Variants in XYLT1 observed in about 807,000 individuals in gnomAD.
XYLT1 encodes the protein xylosyltransferase 1, also known as beta-D-xylosyltransferase 1.
In XYLT1, 36 loss-of-function variants were observed where a neutral mutation model predicts 91.3. The ratio of observed to expected loss-of-function variants is 0.39; its 90% CI spans 0.30 to 0.52. The LOEUF is 0.52. Ranked by LOEUF, XYLT1 falls within the 20% of genes least tolerant of loss-of-function variation. The probability of loss-of-function intolerance (pLI) is 0.68; values close to 1 mark genes in which losing one functional copy is unlikely to be tolerated. For synonymous variants in XYLT1, 588 were observed against 532.0 expected, an observed-to-expected ratio of 1.11 and a Z score of -1.45; for missense variants, 1,242 against 1,284.5, an observed-to-expected ratio of 0.97 and a Z score of 0.51.
chr16:17,445,663 C>T (rs1193169293), intron 1 of XYLT1, among the ~76,000 whole-genome samples: 1 of 152,198 alleles, frequency 6.6e-6, no homozygotes, highest in Non-Finnish European at 1.5e-5. Context: ...TGCAAACTCG[C>T]CTCAGAAAAG....
At chr16:17,436,270 C>A (rs925683479) in intron 1 of XYLT1, among the ~76,000 whole-genome samples, 13 of 152,162 alleles carry the variant, frequency 8.5e-5, no homozygotes, top group South Asian at 2.1e-4. Flanking sequence ...TGAGAAAAGA[C>A]AATTACACGG....
At chr16:17,207,204 C>T (rs1415227489) in intron 3 of XYLT1, among the ~76,000 whole-genome samples, 1 of 151,956 alleles carries the variant, frequency 6.6e-6, no homozygotes, top group Non-Finnish European at 1.5e-5. Flanking sequence ...ATTATAGGCA[C>T]CTGCCACCAC....
At chr16:17,285,958 GAGAGAGAC>G (rs1336152955) in intron 2 of XYLT1, among the ~76,000 whole-genome samples, 20 of 152,090 alleles carry the variant, frequency 1.3e-4, no homozygotes, top group Admixed American at 8.5e-4. Flanking sequence ...GAGAGAAAGA[GAGAGAGAC>G]AGAGAGACAG....
chr16:17,266,619 C>T (rs2033809190), intron 2 of XYLT1, among the ~76,000 whole-genome samples: 1 of 152,180 alleles, frequency 6.6e-6, no homozygotes, highest in Non-Finnish European at 1.5e-5. Flanking sequence ...AGGGACAGGG[C>T]CAAAGGGAAA....
chr16:17,207,716 G>A (rs1446417425), intron 3 of XYLT1, among the ~76,000 whole-genome samples: 4 of 152,144 alleles, frequency 2.6e-5, no homozygotes, highest in Non-Finnish European at 4.4e-5. Flanking sequence ...GGAGGAATCA[G>A]TCAACGGCCC....
intron 2 of XYLT1, among the ~76,000 whole-genome samples, chr16:17,293,527 T>G: frequency 2.2e-5 from 3 of 136,020 alleles, no homozygotes; most frequent in Admixed American, 8.2e-5. Flanking sequence ...TGAGACTGAG[T>G]CTCCTTCTGT....
Position 17,384,703 on chromosome 16 carries a change from CT to C in XYLT1, c.364-26654del, listed in dbSNP as rs576138992. Among the ~76,000 whole-genome samples the C allele has an allele frequency of 1.3e-4, 19 of 151,910 alleles. No homozygotes were observed. The East Asian group carries it at 3.8e-3, about 30-fold the overall frequency. The stretch of plus-strand genomic sequence containing the variant: ...CAGAAAACATCTAACTTTGCAACTC[CT>C]GCCCTAGGGAAGGAAGTTGGCCAGA... On this transcript the variant is annotated intron_variant, in intron 1 of 11. Transcript: ENST00000261381.
intron 2 of XYLT1, among the ~76,000 whole-genome samples, chr16:17,269,764 C>T (rs1402743374): frequency 6.7e-6 from 1 of 148,438 alleles, no homozygotes; most frequent in Non-Finnish European, 1.5e-5. Flanking sequence ...CATCTCCCTT[C>T]CCTCCCTCCC....
chr16:17,415,350 T>C (rs755558621), intron 1 of XYLT1, among the ~76,000 whole-genome samples: 14 of 152,168 alleles, frequency 9.2e-5, no homozygotes, highest in Non-Finnish European at 1.9e-4. Flanking sequence ...CGAGTCTTTA[T>C]GAATCCTACA....
intron 10 of XYLT1, among the ~76,000 whole-genome samples, chr16:17,124,493 T>C (rs1196012771): frequency 6.6e-6 from 1 of 152,230 alleles, no homozygotes; most frequent in Non-Finnish European, 1.5e-5. Flanking sequence ...GTTAATCTGA[T>C]GGGTTTTCCT....
intron 1 of XYLT1, among the ~76,000 whole-genome samples, chr16:17,431,896 A>T (rs1361415181): frequency 6.6e-6 from 1 of 152,214 alleles, no homozygotes. Flanking sequence ...ATGGCTGCGG[A>T]TCCTTCTGGG....
At chr16:17,140,692 G>A (rs1188315723) in intron 7 of XYLT1, among the ~76,000 whole-genome samples, 10 of 140,898 alleles carry the variant, frequency 7.1e-5, no homozygotes, top group African/African-American at 2.8e-4. Context: ...AAAAAAAAAA[G>A]TTGATGTGGG....
chr16:17,192,307 C>CAG (rs1281885430), intron 5 of XYLT1, among the ~76,000 whole-genome samples: 4 of 152,084 alleles, frequency 2.6e-5, no homozygotes, highest in East Asian at 3.9e-4. Context: ...CCATATCGGC[C>CAG]AGGCTGGTCT....
At chr16:17,299,658 TAGG>T (rs2034365154) in intron 2 of XYLT1, among the ~76,000 whole-genome samples, 1 of 152,156 alleles carries the variant, frequency 6.6e-6, no homozygotes, top group Non-Finnish European at 1.5e-5. Context: ...CAGCAAGCTT[TAGG>T]AGAAGAGAGG....
chr16:17,247,740 A>C (rs2033464064), intron 3 of XYLT1, among the ~76,000 whole-genome samples: 1 of 152,178 alleles, frequency 6.6e-6, no homozygotes, highest in Non-Finnish European at 1.5e-5. Flanking sequence ...GGTCAATGAT[A>C]GTGAAACAGC....
chr16:17,447,177 G>A (rs954997338), intron 1 of XYLT1, among the ~76,000 whole-genome samples: 43 of 152,078 alleles, frequency 2.8e-4, no homozygotes, highest in African/African-American at 9.2e-4. Context: ...TAAACCAAGC[G>A]GCCTGCTATT....
At chr16:17,253,046 C>G (rs904581922) in intron 3 of XYLT1, among the ~76,000 whole-genome samples, 2 of 152,154 alleles carry the variant, frequency 1.3e-5, no homozygotes, top group Non-Finnish European at 2.9e-5. Context: ...AGCTCAAATC[C>G]CTCCTAAGCA....
chr16:17,260,256 T>G (rs1271927299), intron 2 of XYLT1, among the ~76,000 whole-genome samples: 1 of 152,176 alleles, frequency 6.6e-6, no homozygotes, highest in African/African-American at 2.4e-5. Flanking sequence ...GACCCCAAAC[T>G]CAGCTCCTCC....
intron 3 of XYLT1, among the ~76,000 whole-genome samples, chr16:17,247,997 C>A (rs1341932965): frequency 6.6e-6 from 1 of 152,146 alleles, no homozygotes; most frequent in African/African-American, 2.4e-5. Flanking sequence ...CCAGTCCCAG[C>A]CTGCCAGACC....
Sources: allele counts gnomAD v4.1 joint callset (sites outside exome capture counted in the v4.1 genomes callset), GRCh38; gene constraint gnomAD v4.1.1; transcripts MANE v1.5; gene names NCBI Gene and HGNC (gene_info 2026-07-23, HGNC 2026-07-21).